The following DOCK1 variants were observed in gnomAD, a reference collection of about 807,000 sequenced individuals.
DOCK1 encodes the protein dedicator of cytokinesis protein 1.
DOCK1 carries 138 observed loss-of-function variants against 262.7 expected under a neutral mutation model. The ratio of observed to expected loss-of-function variants is 0.53; its 90% CI spans 0.46 to 0.61. The LOEUF (loss-of-function observed/expected upper bound fraction) is 0.61. Ranked by LOEUF, DOCK1 falls within the 20% of genes least tolerant of loss-of-function variation. The pLI is 0.00. For missense variants in DOCK1, 1,908 were observed against 2,370.7 expected, an observed-to-expected ratio of 0.80 and a Z score of 4.05; for synonymous variants, 866 against 867.4, an observed-to-expected ratio of 1.00 and a Z score of 0.03.
intron 1 of DOCK1, among the ~76,000 whole-genome samples, chr10:126,960,721 C>A (rs1241306600): frequency 3.2e-5 from 4 of 123,618 alleles, no homozygotes; most frequent in African/African-American, 1.5e-4. Context: ...GACCTACCCT[C>A]AAATATATAT....
chr10:126,973,505 T>C (rs1214344225), intron 2 of DOCK1, among the ~76,000 whole-genome samples: 1 of 152,150 alleles, frequency 6.6e-6, no homozygotes, highest in Non-Finnish European at 1.5e-5. Context: ...GCTGACATCA[T>C]GATAAGAGAT....
At chr10:127,075,737 G>T (rs1430708900) in intron 23 of DOCK1, among the ~76,000 whole-genome samples, 1 of 152,042 alleles carries the variant, frequency 6.6e-6, no homozygotes, top group South Asian at 2.1e-4. Flanking sequence ...AACGGCAAGG[G>T]GGAGGTCTGC....
chr10:126,998,899 C>CT (rs1228258769), intron 8 of DOCK1, among the ~76,000 whole-genome samples: 2 of 152,224 alleles, frequency 1.3e-5, no homozygotes, highest in Admixed American at 1.3e-4. Context: ...AATTTGAAAA[C>CT]TTAGTGTATG....
chr10:127,152,072 C>T (rs1448708545), intron 27 of DOCK1, among the ~76,000 whole-genome samples: 1 of 152,096 alleles, frequency 6.6e-6, no homozygotes, highest in Admixed American at 6.5e-5. Context: ...GGCTGAACAG[C>T]TCATTCTCTG....
chr10:127,359,804 C>T (rs1002490490), intron 32 of DOCK1, among the ~76,000 whole-genome samples: 2 of 152,018 alleles, frequency 1.3e-5, no homozygotes, highest in Non-Finnish European at 2.9e-5. Flanking sequence ...TTTAATGATT[C>T]TCTTTACAGA....
chr10:127,336,123 C>T (rs185678748), intron 29 of DOCK1, among the ~76,000 whole-genome samples: 45 of 152,126 alleles, frequency 3.0e-4, no homozygotes, highest in African/African-American at 9.9e-4. Context: ...ACACCACACT[C>T]GGCCGACTAA....
At chr10:127,424,658 G>T (rs2068709074) in intron 46 of DOCK1, among the ~76,000 whole-genome samples, 1 of 152,214 alleles carries the variant, frequency 6.6e-6, no homozygotes, top group East Asian at 1.9e-4. Flanking sequence ...TCTACTGCTG[G>T]CCCTGAGTAA....
chr10:127,426,092 C>A, intron 47 of DOCK1, 81 bp downstream of exon 47: 2 of 1,593,060 alleles, frequency 1.3e-6, no homozygotes, highest in Non-Finnish European at 1.7e-6. Context: ...GCTTCCAGAG[C>A]AGAGGAACTC....
intron 27 of DOCK1, among the ~76,000 whole-genome samples, chr10:127,182,529 A>G (rs893002433): frequency 9.9e-5 from 15 of 152,136 alleles, no homozygotes. Flanking sequence ...GCTTATGTTG[A>G]TGTTAACCTT....
At chr10:127,293,430 C>G (rs951709095) in intron 29 of DOCK1, among the ~76,000 whole-genome samples, 1 of 152,212 alleles carries the variant, frequency 6.6e-6, no homozygotes, top group African/African-American at 2.4e-5. Context: ...TCATTGGACA[C>G]TGTGGGGCCA....
rs2066004982 is a variant in DOCK1, at chr10:127,384,680, CAT to C, written c.3808-109_3808-108del. 30 of 1,286,554 alleles carry C rather than the reference CAT, an allele frequency of 2.3e-5. No homozygotes were observed. In the South Asian group the frequency reaches 4.8e-4, roughly 21 times the overall value. 79.7% of individuals were successfully genotyped at this position (1,286,554 alleles called of 1,614,324 possible). ...CCCCAGCCTGTTGACAGCAGCCACA[CAT>C]GTCTCCAGAACCGCGGCCCACACGC... On this transcript the variant is annotated intron_variant, in intron 37 of 51. Transcript: ENST00000623213.
chr10:127,404,304 CA>C lies in DOCK1; in HGVS notation c.4018-20del, dbSNP rs1467934544. 1.2e-6 allele frequency: 2 copies of C among 1,602,226 alleles called. No homozygotes were observed. The highest frequency in any genetic ancestry group is 1.7e-6 in the Non-Finnish European group (2 of 1,172,484). On this transcript the variant is annotated intron_variant, in intron 39 of 51. Coordinates refer to ENST00000623213, the MANE Select transcript of DOCK1 (RefSeq NM_001290223.2). ...TGCTTGAATACTCAAACCTGAAATG[CA>C]TTTTCTTTTTTCCTTCCAGAAAAAA... is the stretch of plus-strand genomic sequence containing the variant.
chr10:127,306,866 A>G (rs571460025), intron 29 of DOCK1, among the ~76,000 whole-genome samples: 2 of 152,302 alleles, frequency 1.3e-5, no homozygotes, highest in South Asian at 2.1e-4. Context: ...GAATTTTACC[A>G]TAATCTCTCT....
At chr10:127,020,596 G>A (rs2042345972) in intron 13 of DOCK1, among the ~76,000 whole-genome samples, 1 of 151,822 alleles carries the variant, frequency 6.6e-6, no homozygotes, top group East Asian at 1.9e-4. Flanking sequence ...GTCTAAACTT[G>A]TAGATCATCT....
intron 33 of DOCK1, among the ~76,000 whole-genome samples, chr10:127,362,909 C>CCACACACACACACA (rs1218062230): frequency 8.8e-5 from 8 of 90,552 alleles, no homozygotes; most frequent in Admixed American, 2.4e-4. Context: ...ATGTACATCT[C>CCACACACACACACA]CACACACACA....
chr10:127,219,018 G>T (rs779909411), intron 27 of DOCK1, among the ~76,000 whole-genome samples: 3 of 152,152 alleles, frequency 2.0e-5, no homozygotes, highest in Non-Finnish European at 4.4e-5. Context: ...CCTCTTAAAG[G>T]ATGCACTTCT....
intron 21 of DOCK1, among the ~76,000 whole-genome samples, chr10:127,044,012 C>G (rs960476794): frequency 2.0e-5 from 3 of 152,016 alleles, no homozygotes; most frequent in East Asian, 1.9e-4. Context: ...GACTTACCGG[C>G]TCTTTCTTGG....
At chr10:126,968,208 C>T (rs1241298562) in intron 1 of DOCK1, among the ~76,000 whole-genome samples, 1 of 152,146 alleles carries the variant, frequency 6.6e-6, no homozygotes, top group Non-Finnish European at 1.5e-5. Flanking sequence ...AGGGCTGTTA[C>T]TCTATCTGCA....
chr10:127,394,378 A>G (rs6482860), intron 38 of DOCK1, among the ~76,000 whole-genome samples: 81,900 of 147,728 alleles, frequency 0.55, 22,530 homozygotes, highest in Middle Eastern at 0.67. Context: ...AAAGCGTTTT[A>G]CATCATTGTG....
Sources: gnomAD v4.1 joint callset for allele counts (sites outside exome capture counted in the v4.1 genomes callset) on GRCh38, gnomAD v4.1.1 for gene constraint, MANE v1.5 for transcripts, NCBI Gene and HGNC (gene_info 2026-07-23, HGNC 2026-07-21) for gene names.